Variants in WDR91 observed in about 807,000 individuals in gnomAD.
WDR91 encodes WD repeat domain 91, also known as WD repeat-containing protein 91.
In WDR91, 52 loss-of-function variants were observed where a neutral mutation model predicts 88.4. The observed-to-expected ratio is 0.59, with a 90% CI of 0.47 to 0.74. The LOEUF is 0.74. Among genes scored for constraint, WDR91 ranks in the 30% least tolerant of loss-of-function variants. The pLI, the probability that WDR91 is intolerant of heterozygous loss-of-function variation, is 0.00. For missense variants in WDR91, 824 were observed against 954.5 expected (o/e 0.86, Z 1.80); for synonymous variants, 362 against 389.5 (o/e 0.93, Z 0.83).
chr7:135,187,524 G>A (rs292561), intron 13 of WDR91, among the ~76,000 whole-genome samples: 105,471 of 152,112 alleles, frequency 0.69, 37,336 homozygotes, highest in Admixed American at 0.81. Flanking sequence ...CTCTCAAGCA[G>A]GAGGAATGCT....
chr7:135,194,906 G>T, intron 9 of WDR91, 28 bp downstream of exon 9: 1 of 1,612,156 alleles, frequency 6.2e-7, no homozygotes, highest in South Asian at 1.1e-5. Flanking sequence ...AGCCAGCAAA[G>T]CGGGCCCCAC....
At chr7:135,207,274 T>G (rs1401549407) in intron 3 of WDR91, 72 bp from the exon 4 acceptor site, 6 of 1,287,040 alleles carry the variant, frequency 4.7e-6, no homozygotes, top group Non-Finnish European at 6.7e-6. Flanking sequence ...GACACACCAG[T>G]AAAACACATG....
Position 135,183,866 on chromosome 7 carries a change from C to G in WDR91, c.*2285G>C, listed in dbSNP as rs531437011. 6.6e-6 allele frequency: 1 copy of G among 152,128 alleles called. No individual in the cohort carries two copies. Among genetic ancestry groups the G allele is most frequent in the South Asian group, 2.1e-4 (1 of 4,810 alleles). 9.4% of individuals were successfully genotyped at this position (152,128 alleles called of 1,614,324 possible). ...AGTTCCAACATGCTTTATTTGAGGA[C>G]GAGCGCTCACCCGGGATGGAGTAAG... On this transcript the variant is annotated 3_prime_UTR_variant, in exon 15 of 15. Coordinates refer to ENST00000354475, the MANE Select transcript of WDR91 (RefSeq NM_014149.4).
chr7:135,194,577 A>C (rs910760642), intron 9 of WDR91, among the ~76,000 whole-genome samples: 5 of 152,208 alleles, frequency 3.3e-5, no homozygotes, highest in African/African-American at 1.2e-4. Context: ...CACCAGCGGA[A>C]GCCACTTCCC....
Position 135,194,952 on chromosome 7 carries a change from G to A in WDR91, c.1377C>T (p.Ala459=). 6.2e-7 allele frequency: 1 copy of A among 1,614,124 alleles called. No homozygotes were observed. The highest frequency in any genetic ancestry group is 1.3e-5 in the African/African-American group (1 of 75,038). ...TACTCACCAGTCTGTCCCGTTTGGT[G>A]GCCCATTCCAAAGACAGCAGCGGTG... ...SKSPLLSLEW[A]TKRDRLLLLG... The change falls in exon 9 of 15, where the codon GCC becomes GCT. Residue 459 remains alanine (A), a synonymous_variant. Coordinates refer to ENST00000354475, the MANE Select transcript of WDR91 (RefSeq NM_014149.4).
Position 135,185,709 on chromosome 7 carries a change from C to T in WDR91, c.*442G>A, listed in dbSNP as rs62481917. On this transcript the variant is annotated 3_prime_UTR_variant, in exon 15 of 15. Coordinates refer to ENST00000354475, the MANE Select transcript of WDR91 (RefSeq NM_014149.4). Reference sequence around the variant, plus strand: ...AGGTTCAGTTCAGGGCCAGCAGAGCCAGGCTGGGTGGGAGGGCTGTCACTG... The same window carrying T: ...AGGTTCAGTTCAGGGCCAGCAGAGCTAGGCTGGGTGGGAGGGCTGTCACTG... 0.031 allele frequency: 4,741 copies of T among 153,966 alleles called. 108 individuals carry two copies. Among genetic ancestry groups the T allele is most frequent in the Middle Eastern group, 0.067 (20 of 300 alleles). 9.5% of individuals were successfully genotyped at this position (153,966 alleles called of 1,614,324 possible).
chr7:135,189,353 G>A lies in WDR91; in HGVS notation c.1759C>T (p.Arg587Trp), dbSNP rs761361253. Reference protein sequence around the residue: ...LVTGAADGVIRLFDMQQHECA... With the variant: ...LVTGAADGVIWLFDMQQHECA... ...GAGCACACTTGCATACCAAACAGCC[G>A]GATGACGCCATCAGCTGCCCCTGTG... Residue 587 changes from arginine (R) to tryptophan (W), a missense_variant, in exon 12 of 15, where the codon CGG (arginine) becomes TGG (tryptophan). Coordinates refer to ENST00000354475, the MANE Select transcript of WDR91 (RefSeq NM_014149.4). 6.8e-6 allele frequency: 11 copies of A among 1,613,450 alleles called. No homozygotes were observed. The highest frequency in any genetic ancestry group is 4.5e-5 in the East Asian group (2 of 44,894).
chr7:135,193,343 G>A lies in WDR91; in HGVS notation c.1547C>T (p.Ala516Val). ...NGASFVCSAA[A>V]PSLTSQVDFS... is the part of the protein sequence containing the mutation. ...GTCCACCTGGGAAGTGAGGCTCGGA[G>A]CTGCTGCCGAACAGACGAAAGAGGC... Residue 516 changes from alanine to valine, a missense_variant, in exon 11 of 15, where the codon GCT becomes GTT. Ala to Val is a moderately conservative substitution (Grantham distance 64). Transcript: ENST00000354475. 6.2e-7 allele frequency: 1 copy of A among 1,614,216 alleles called. No homozygotes were observed. The highest frequency in any genetic ancestry group is 8.5e-7 in the Non-Finnish European group (1 of 1,180,044).
chr7:135,193,300 G>A lies in WDR91; in HGVS notation c.1590C>T (p.Ile530=), dbSNP rs968247433. The A allele has an allele frequency of 1.4e-5, 22 of 1,614,082 alleles. No individual in the cohort carries two copies. Among genetic ancestry groups the A allele is most frequent in the Admixed American group, 5.0e-5 (3 of 60,008 alleles). ...GAACCTGGTTCATGCCCTTGCTGCC[G>A]ATGTCTGGTGCTGAGAAGTCCACCT... ...TSQVDFSAPD[I]GSKGMNQVPG... Residue 530 remains isoleucine, a synonymous_variant, in exon 11 of 15, where the codon ATC becomes ATT. Transcript: ENST00000354475.
At chr7:135,187,190 C>G (rs909476730) in intron 13 of WDR91, 21 bp from the exon 14 acceptor site, 7 of 1,613,384 alleles carry the variant, frequency 4.3e-6, no homozygotes, top group Non-Finnish European at 5.9e-6. Context: ...AGGGCACAAG[C>G]AGGGTGCTCG....
intron 6 of WDR91, among the ~76,000 whole-genome samples, chr7:135,200,552 C>G (rs1303534801): frequency 6.6e-6 from 1 of 152,208 alleles, no homozygotes; most frequent in Non-Finnish European, 1.5e-5. Context: ...GCTGGGCACT[C>G]ATTCATGACT....
At chr7:135,195,106 G>T in intron 8 of WDR91, 22 bp from the exon 9 acceptor site, 1 of 1,606,450 alleles carries the variant, frequency 6.2e-7, no homozygotes, top group Non-Finnish European at 8.5e-7. Context: ...GAAAAGGGAG[G>T]CCTGTCAGCT....
intron 6 of WDR91, chr7:135,200,029 C>T (rs779574229): frequency 1.3e-5 from 2 of 152,192 alleles, no homozygotes; most frequent in Admixed American, 1.3e-4. Flanking sequence ...GGGCAGTTTA[C>T]GCCAAGACAG....
chr7:135,193,680 G>A lies in WDR91; in HGVS notation c.1396-8C>T, dbSNP rs1831258931. The A allele has an allele frequency of 6.2e-7, 1 of 1,612,976 alleles. No individual in the cohort carries two copies. Among genetic ancestry groups the A allele is most frequent in the African/African-American group, 1.3e-5 (1 of 75,042 alleles). On this transcript the variant is annotated splice_region_variant and splice_polypyrimidine_tract_variant and intron_variant, in intron 9 of 14. Coordinates refer to ENST00000354475, the MANE Select transcript of WDR91 (RefSeq NM_014149.4). ...ACCACTGCCCAGCAAGAGCTGGAAT[G>A]ACAAGGGGCGGGAGGTGGGAAGGAT...
At chr7:135,206,622 T>TC (rs1432409050) in intron 4 of WDR91, among the ~76,000 whole-genome samples, 1 of 152,036 alleles carries the variant, frequency 6.6e-6, no homozygotes, top group Non-Finnish European at 1.5e-5. Flanking sequence ...CAAATGTGGG[T>TC]CCCCTGGCTC....
At chr7:135,194,232 G>A (rs1400871918) in intron 9 of WDR91, among the ~76,000 whole-genome samples, 1 of 152,244 alleles carries the variant, frequency 6.6e-6, no homozygotes, top group South Asian at 2.1e-4. Context: ...GAAAGTGCCA[G>A]AAGCAGCCCA....
At chr7:135,192,980 G>C (rs1268419389) in intron 11 of WDR91, among the ~76,000 whole-genome samples, 4 of 152,142 alleles carry the variant, frequency 2.6e-5, no homozygotes, top group African/African-American at 9.7e-5. Context: ...AGGGAGGCAC[G>C]AGTCCTCTCC....
At chr7:135,193,539 G>T in intron 10 of WDR91, 39 bp downstream of exon 10, 1 of 1,613,164 alleles carries the variant, frequency 6.2e-7, no homozygotes, top group East Asian at 2.2e-5. Flanking sequence ...ACACTTGGCA[G>T]CCTGCGGCCT....
intron 7 of WDR91, 185 bp downstream of exon 7, chr7:135,197,808 T>G: frequency 3.0e-6 from 2 of 658,810 alleles, no homozygotes; most frequent in Non-Finnish European, 2.4e-6. Context: ...ATGGGAGAAA[T>G]GGACCACAGA....
Sources: allele counts gnomAD v4.1 joint callset (sites outside exome capture counted in the v4.1 genomes callset), GRCh38; gene constraint gnomAD v4.1.1; transcripts MANE v1.5; gene names NCBI Gene and HGNC (gene_info 2026-07-23, HGNC 2026-07-21).